Variants in RANBP2 observed in about 807,000 individuals in gnomAD.
RANBP2 encodes RAN binding protein 2.
A neutral mutation model predicts 303.6 loss-of-function variants in RANBP2; 57 were observed. That is an observed-to-expected ratio of 0.19 (90% CI 0.15 to 0.23). The LOEUF is 0.23. Among genes scored for constraint, RANBP2 ranks in the 10% least tolerant of loss-of-function variants. The pLI is 1.00. For synonymous variants in RANBP2, 1,167 were observed against 1,301.5 expected, an observed-to-expected ratio of 0.90 and a Z score of 2.23; for missense variants, 3,138 against 3,780.8, an observed-to-expected ratio of 0.83 and a Z score of 4.46.
At chr2:109,477,175 C>T in the RANBP2 span, among the ~76,000 whole-genome samples, 7 of 152,142 alleles carry the variant, frequency 4.6e-5, no homozygotes, top group African/African-American at 1.7e-4. Flanking sequence ...GACCGTTGGC[C>T]TAGGAGAACT....
chr2:109,778,422 A>G, the RANBP2 span, among the ~76,000 whole-genome samples: 4 of 149,740 alleles, frequency 2.7e-5, no homozygotes, highest in African/African-American at 7.5e-5. Context: ...GTTTCTCCGT[A>G]TAAATCTTAG....
the RANBP2 span, among the ~76,000 whole-genome samples, chr2:109,344,355 G>A: frequency 6.6e-6 from 1 of 152,140 alleles, no homozygotes; most frequent in African/African-American, 2.4e-5. Context: ...AGTGAGAAGG[G>A]CAGAGGAAGT....
chr2:108,818,891 A>G, the RANBP2 span, among the ~76,000 whole-genome samples: 1 of 152,116 alleles, frequency 6.6e-6, no homozygotes, highest in Non-Finnish European at 1.5e-5. Context: ...AAAAACACCT[A>G]AAGCCATTGA....
chr2:108,919,529 T>A, the RANBP2 span, among the ~76,000 whole-genome samples: 1 of 152,176 alleles, frequency 6.6e-6, no homozygotes, highest in African/African-American at 2.4e-5. Flanking sequence ...CAGCTAATTT[T>A]GTATTTTTAG....
At chr2:108,962,532 G>C in the RANBP2 span, among the ~76,000 whole-genome samples, 4 of 151,744 alleles carry the variant, frequency 2.6e-5, no homozygotes, top group Non-Finnish European at 5.9e-5. Context: ...AAAATTAGCC[G>C]GGCGTGGTGG....
chr2:109,553,142 A>T, the RANBP2 span: 1 of 1,613,958 alleles, frequency 6.2e-7, no homozygotes, highest in Non-Finnish European at 8.5e-7. Context: ...CTGCACAAAC[A>T]TCTGTTTCAT....
the RANBP2 span, among the ~76,000 whole-genome samples, chr2:109,030,375 T>A: frequency 6.6e-6 from 1 of 152,232 alleles, no homozygotes; most frequent in Non-Finnish European, 1.5e-5. Flanking sequence ...TTCACGTAAG[T>A]AAAGCCCATT....
chr2:108,863,192 A>G, the RANBP2 span, among the ~76,000 whole-genome samples: 3 of 152,196 alleles, frequency 2.0e-5, no homozygotes, highest in East Asian at 3.9e-4. Context: ...CAATCGTTCT[A>G]TTATGTTTTT....
At chr2:109,506,769 A>C in the RANBP2 span, among the ~76,000 whole-genome samples, 1 of 152,352 alleles carries the variant, frequency 6.6e-6, no homozygotes, top group Admixed American at 6.5e-5. Context: ...TGAATGTAGC[A>C]GAAATACTAA....
the RANBP2 span, chr2:109,615,910 A>G: frequency 6.2e-7 from 1 of 1,610,456 alleles, no homozygotes; most frequent in Non-Finnish European, 8.5e-7. Flanking sequence ...AGACTCAACA[A>G]AATCCGATTC....
At chr2:109,742,726 G>A in the RANBP2 span, among the ~76,000 whole-genome samples, 1 of 146,450 alleles carries the variant, frequency 6.8e-6, no homozygotes, top group Non-Finnish European at 1.5e-5. Flanking sequence ...TGGTATTAAA[G>A]GAGAATGAAG....
the RANBP2 span, among the ~76,000 whole-genome samples, chr2:109,658,427 T>A: frequency 5.3e-4 from 80 of 151,108 alleles, 1 homozygote; most frequent in Middle Eastern, 6.8e-3. Context: ...GCCTGGGTGA[T>A]GAGCAAGACT....
At chr2:109,501,819 A>G in the RANBP2 span, 4 of 605,466 alleles carry the variant, frequency 6.6e-6, no homozygotes, top group African/African-American at 1.9e-5. Context: ...GGTGGGGGCC[A>G]GGGACTGTGG....
the RANBP2 span, chr2:109,613,958 G>T: frequency 7.6e-5 from 92 of 1,210,108 alleles, no homozygotes; most frequent in African/African-American, 3.8e-4. Flanking sequence ...CCTCCGCGAC[G>T]GGGAAGGGAC....
At chr2:109,267,589 C>T in the RANBP2 span, among the ~76,000 whole-genome samples, 21 of 152,282 alleles carry the variant, frequency 1.4e-4, no homozygotes, top group East Asian at 5.8e-4. Flanking sequence ...CCCCGAGTGC[C>T]GGCTGTGATG....
the RANBP2 span, among the ~76,000 whole-genome samples, chr2:109,448,914 T>A: frequency 1.3e-5 from 2 of 152,146 alleles, no homozygotes; most frequent in Non-Finnish European, 2.9e-5. Context: ...CTGTTTTAGC[T>A]CCACCTGAGG....
the RANBP2 span, chr2:109,398,689 GC>G: frequency 6.2e-7 from 1 of 1,610,992 alleles, no homozygotes; most frequent in Non-Finnish European, 8.5e-7. Flanking sequence ...CGGCGCTGTG[GC>G]CAGCGTGGCC....
At chr2:108,855,513 A>G in the RANBP2 span, among the ~76,000 whole-genome samples, 1 of 152,110 alleles carries the variant, frequency 6.6e-6, no homozygotes, top group Non-Finnish European at 1.5e-5. Flanking sequence ...ATGTTTCTAA[A>G]TAAGGCAAGT....
At chr2:109,350,650 T>C in the RANBP2 span, among the ~76,000 whole-genome samples, 312 of 152,322 alleles carry the variant, frequency 2.0e-3, 3 homozygotes, top group African/African-American at 7.1e-3. Flanking sequence ...CTCCGCTCAG[T>C]TCCTGTTTTC....
Sources: allele counts gnomAD v4.1 joint callset (sites outside exome capture counted in the v4.1 genomes callset), GRCh38; gene constraint gnomAD v4.1.1; transcripts MANE v1.5; gene names NCBI Gene and HGNC (gene_info 2026-07-23, HGNC 2026-07-21).